SLIT3: variants seen among roughly 807,000 people sequenced by gnomAD.
The protein encoded by SLIT3 is slit guidance ligand 3, also known as slit homolog 3 protein.
Under a neutral mutation model 184.0 loss-of-function variants are expected in SLIT3, and 68 were observed. The observed-to-expected ratio is 0.37, with a 90% confidence interval of 0.30 to 0.45. The LOEUF is 0.45. SLIT3 is among the 20% of genes least tolerant of loss of function. SLIT3 has a pLI of 1.00. For missense variants in SLIT3, 1,707 were observed against 2,026.0 expected, an observed-to-expected ratio of 0.84 and a Z score of 3.02; for synonymous variants, 831 against 828.6, an observed-to-expected ratio of 1.00 and a Z score of -0.05.
chr5:169,177,081 T>C (rs927594262), intron 4 of SLIT3, among the ~76,000 whole-genome samples: 2 of 152,206 alleles, frequency 1.3e-5, no homozygotes, highest in East Asian at 1.9e-4. Context: ...CCCTTTCCCC[T>C]GAGTAATATT....
At chr5:169,212,545 A>T (rs1057368183) in intron 3 of SLIT3, among the ~76,000 whole-genome samples, 1 of 151,992 alleles carries the variant, frequency 6.6e-6, no homozygotes, top group Admixed American at 6.5e-5. Context: ...ATATTGCAAA[A>T]ATTTTCTCCC....
chr5:168,683,981 G>A lies in SLIT3; in HGVS notation c.3671C>T (p.Pro1224Leu). Residue 1224 changes from proline (P) to leucine (L), a missense_variant, in exon 32 of 36, where the codon CCA becomes CTA. This residue lies in a region of SLIT3 where 387 missense variants were observed against 477.9 expected (regional missense o/e 0.81). Transcript: ENST00000519560. ...AGGCCCTTACCTGTACACTGTGGTTGGAGGGGAACTCAGGCTGTCATAGAC... is the reference window on the plus strand; with the variant it reads ...AGGCCCTTACCTGTACACTGTGGTTAGAGGGGAACTCAGGCTGTCATAGAC... ...RLVYDSLSSPPTTVYSVETVN... is the reference protein window; with the variant it reads ...RLVYDSLSSPLTTVYSVETVN... 1 of 1,588,206 alleles carries A rather than the reference G, an allele frequency of 6.3e-7. No individual in the cohort carries two copies. Among genetic ancestry groups the A allele is most frequent in the Non-Finnish European group, 8.6e-7 (1 of 1,165,708 alleles).
chr5:169,219,823 G>A (rs944483215), intron 3 of SLIT3, among the ~76,000 whole-genome samples: 1 of 152,160 alleles, frequency 6.6e-6, no homozygotes, highest in African/African-American at 2.4e-5. Context: ...TGTCAACAAA[G>A]GAACATGATC....
intron 32 of SLIT3, among the ~76,000 whole-genome samples, chr5:168,683,559 G>C (rs1419775531): frequency 6.6e-6 from 1 of 152,066 alleles, no homozygotes; most frequent in African/African-American, 2.4e-5. Flanking sequence ...CTCCCTCCGT[G>C]CCCTTGAGTT....
chr5:169,147,197 C>G (rs1412975149), intron 4 of SLIT3, among the ~76,000 whole-genome samples: 1 of 152,190 alleles, frequency 6.6e-6, no homozygotes, highest in East Asian at 1.9e-4. Flanking sequence ...TCCAGCCACA[C>G]ATCAGAAAAA....
At chr5:169,079,347 C>T (rs1346694172) in intron 4 of SLIT3, among the ~76,000 whole-genome samples, 1 of 151,966 alleles carries the variant, frequency 6.6e-6, no homozygotes, top group Non-Finnish European at 1.5e-5. Flanking sequence ...AAGAAGTTCT[C>T]CTTCTCATCC....
At chr5:169,294,827 C>T (rs535079607) in intron 1 of SLIT3, among the ~76,000 whole-genome samples, 3 of 152,316 alleles carry the variant, frequency 2.0e-5, no homozygotes, top group South Asian at 4.2e-4. Flanking sequence ...AAGCTCCAAA[C>T]CTGCATAGCA....
intron 4 of SLIT3, among the ~76,000 whole-genome samples, chr5:168,987,370 C>T (rs991116985): frequency 2.1e-4 from 32 of 152,160 alleles, no homozygotes; most frequent in Non-Finnish European, 3.2e-4. Context: ...TCTATTCACG[C>T]TAATCTCTCT....
At chr5:169,225,516 C>A (rs1237284785) in intron 3 of SLIT3, among the ~76,000 whole-genome samples, 1 of 152,210 alleles carries the variant, frequency 6.6e-6, no homozygotes, top group African/African-American at 2.4e-5. Flanking sequence ...TTTGGCCACA[C>A]AAATATGTGG....
chr5:169,003,057 TG>T (rs1476604795), intron 4 of SLIT3, among the ~76,000 whole-genome samples: 1 of 152,240 alleles, frequency 6.6e-6, no homozygotes, highest in African/African-American at 2.4e-5. Context: ...TTAAGCTTAC[TG>T]GGGTCATAGA....
At chr5:169,240,579 C>CTTTTTTTTTTT (rs67955225) in intron 3 of SLIT3, among the ~76,000 whole-genome samples, 2 of 114,344 alleles carry the variant, frequency 1.7e-5, no homozygotes, top group East Asian at 2.7e-4. Flanking sequence ...CTATCATTTT[C>CTTTTTTTTTTT]TTTTTTTTTT....
intron 14 of SLIT3, chr5:168,768,027 T>C (rs1291548334): frequency 2.8e-6 from 1 of 352,968 alleles, no homozygotes; most frequent in East Asian, 8.0e-5. Context: ...TTGAGACTCC[T>C]ACCCTCCTGC....
At chr5:168,952,098 A>G (rs1236341544) in intron 4 of SLIT3, among the ~76,000 whole-genome samples, 1 of 152,144 alleles carries the variant, frequency 6.6e-6, no homozygotes, top group African/African-American at 2.4e-5. Context: ...TTAATGAGAA[A>G]TATTCCCCCA....
At chr5:168,677,460 G>T (rs1761450797) in intron 32 of SLIT3, among the ~76,000 whole-genome samples, 1 of 151,626 alleles carries the variant, frequency 6.6e-6, no homozygotes, top group Non-Finnish European at 1.5e-5. Context: ...TTTTGTTTTT[G>T]TTTTTTGAGA....
chr5:169,064,694 G>A (rs777729810), intron 4 of SLIT3, among the ~76,000 whole-genome samples: 7 of 152,106 alleles, frequency 4.6e-5, no homozygotes, highest in East Asian at 1.9e-4. Context: ...AGGTCAGTCC[G>A]GCTCTTCTCT....
At chr5:169,273,949 A>G (rs1766716943) in intron 1 of SLIT3, among the ~76,000 whole-genome samples, 1 of 152,202 alleles carries the variant, frequency 6.6e-6, no homozygotes, top group African/African-American at 2.4e-5. Flanking sequence ...AAATAATCCA[A>G]AATAACAATC....
chr5:169,300,592 A>G lies in SLIT3; in HGVS notation c.118T>C (p.Cys40Arg). ...PAVACPTKCT[C>R]SAASVDCHGL... ...TGGCAGTCCACGCTGGCAGCGGAGC[A>G]GGTACACTTGGTGGGGCAGGCGACG... Residue 40 changes from cysteine (C) to arginine (R), a missense_variant, in exon 1 of 36, where the codon TGC becomes CGC. By Grantham distance (180) the Cys-to-Arg change is radical. Transcript: ENST00000519560. The surrounding 1 kb of genome is among the most constrained non-coding windows in gnomAD (Gnocchi z 4.1). The G allele has an allele frequency of 6.6e-7, 1 of 1,510,930 alleles. No homozygotes were observed. Among genetic ancestry groups the G allele is most frequent in the East Asian group, 2.7e-5 (1 of 36,446 alleles). The allele number at this position is 1,510,930 out of a possible 1,614,324, so 93.6% of individuals were successfully genotyped here.
At chr5:168,962,311 A>ACACAC in intron 4 of SLIT3, among the ~76,000 whole-genome samples, 1 of 147,634 alleles carries the variant, frequency 6.8e-6, no homozygotes, top group African/African-American at 2.5e-5. Flanking sequence ...CCCACCCCAC[A>ACACAC]ACACACACAC....
At chr5:168,844,896 ATTT>A (rs34420406) in intron 5 of SLIT3, 5,613 of 229,208 alleles carry the variant, frequency 0.024, no homozygotes, top group East Asian at 0.041. Context: ...TTAATTGCGC[ATTT>A]TTTTTTTTTT....
Sources: gnomAD v4.1 joint callset for allele counts (sites outside exome capture counted in the v4.1 genomes callset) on GRCh38, gnomAD v4.1.1 for gene constraint, gnomAD v4.1.1 regional missense constraint, Gnocchi (gnomAD v3.1) non-coding constraint, MANE v1.5 for transcripts, NCBI Gene and HGNC (gene_info 2026-07-23, HGNC 2026-07-21) for gene names.